The following PTPRJ variants were observed in gnomAD, a reference collection of about 807,000 sequenced individuals.
The protein encoded by PTPRJ is receptor-type tyrosine-protein phosphatase eta.
A neutral mutation model predicts 141.3 loss-of-function variants in PTPRJ; 129 were observed. That is an observed-to-expected ratio of 0.91 (90% CI 0.79 to 1.06). The LOEUF (loss-of-function observed/expected upper bound fraction) is 1.06. PTPRJ is among the 50% of genes least tolerant of loss of function. The probability of loss-of-function intolerance (pLI) is 0.00; values close to 1 mark genes in which losing one functional copy is unlikely to be tolerated. For missense variants in PTPRJ, 1,601 were observed against 1,679.7 expected (o/e 0.95, Z 0.82); for synonymous variants, 610 against 640.5 (o/e 0.95, Z 0.72).
At chr11:48,145,559 T>G (rs916813285) in intron 14 of PTPRJ, among the ~76,000 whole-genome samples, 2 of 4,606 alleles carry the variant, frequency 4.3e-4, no homozygotes, top group Admixed American at 0.011. Flanking sequence ...TTATTTTATG[T>G]TTTTTTTTTT....
In PTPRJ at chr11:48,163,702, G is replaced by C; in HGVS notation, c.3719+84G>C. 2.8e-6 allele frequency: 4 copies of C among 1,403,618 alleles called. 1 individual carries two copies. The South Asian group carries it at 5.0e-5, about 17-fold the overall frequency. The allele number at this position is 1,403,618 out of a possible 1,614,324, so 86.9% of individuals were successfully genotyped here. On this transcript the variant is annotated intron_variant, in intron 23 of 24. Coordinates refer to ENST00000418331, the MANE Select transcript of PTPRJ (RefSeq NM_002843.4). ...ACTTTACAAAAGCAAAGCCTAAGAG[G>C]GAATGTAATAGGCATTTATGAATTC...
chr11:48,164,841 C>T (rs1857880641), intron 24 of PTPRJ, among the ~76,000 whole-genome samples: 1 of 152,120 alleles, frequency 6.6e-6, no homozygotes, highest in Non-Finnish European at 1.5e-5. Flanking sequence ...GCTGGGATTA[C>T]AGGCATGAGC....
At chr11:48,000,077 TTGC>T (rs1199098907) in intron 1 of PTPRJ, among the ~76,000 whole-genome samples, 33 of 152,034 alleles carry the variant, frequency 2.2e-4, no homozygotes, top group Admixed American at 3.9e-4. Context: ...CAGGCTGGTC[TTGC>T]CCTCCTCACC....
At chr11:48,084,679 T>C (rs1176647035) in intron 1 of PTPRJ, among the ~76,000 whole-genome samples, 1 of 152,134 alleles carries the variant, frequency 6.6e-6, no homozygotes, top group East Asian at 1.9e-4. Context: ...TCATGTGAGC[T>C]CTGAAAGTCC....
chr11:48,012,314 T>G (rs955162336), intron 1 of PTPRJ, among the ~76,000 whole-genome samples: 1 of 152,256 alleles, frequency 6.6e-6, no homozygotes, highest in East Asian at 1.9e-4. Flanking sequence ...GTTTTCAAGG[T>G]TGGCATTTGG....
chr11:48,114,896 A>G (rs890120366), intron 3 of PTPRJ, among the ~76,000 whole-genome samples: 7 of 152,254 alleles, frequency 4.6e-5, no homozygotes, highest in Non-Finnish European at 7.3e-5. Flanking sequence ...GAAGCTAAAA[A>G]ATACTTTGAA....
At position 48,158,534 on chromosome 11, in the gene PTPRJ, G is replaced by C. The variant is rs1857669623; in HGVS notation, c.3439-1396G>C. The stretch of plus-strand genomic sequence containing the variant: ...TATACCTGGTAAGAGGCTGAGCTGG[G>C]AATCAACTCCATGTCAGTGTGTATC... On this transcript the variant is annotated intron_variant, in intron 21 of 24. Transcript: ENST00000418331. The surrounding 1 kb of genome is among the most constrained non-coding windows in gnomAD (Gnocchi z 4.4). Among the ~76,000 whole-genome samples, 1 of 152,172 alleles carries C rather than the reference G, an allele frequency of 6.6e-6. No homozygotes were observed. Among genetic ancestry groups the C allele is most frequent in the Admixed American group, 6.5e-5 (1 of 15,270 alleles).
chr11:48,153,495 A>G (rs1281332562), intron 18 of PTPRJ, among the ~76,000 whole-genome samples: 1 of 143,388 alleles, frequency 7.0e-6, no homozygotes. Context: ...TCTGTCTCAA[A>G]AAAAAAAAAA....
Position 48,136,237 on chromosome 11 carries a change from C to T in PTPRJ, c.1814C>T (p.Thr605Ile), listed in dbSNP as rs1214638801. 2 of 1,614,218 alleles carry T rather than the reference C, an allele frequency of 1.2e-6. No individual in the cohort carries two copies. The highest frequency in any genetic ancestry group is 1.7e-6 in the Non-Finnish European group (2 of 1,180,044). The change falls in exon 9 of 25, where the codon ACC (threonine) becomes ATC (isoleucine). Residue 605 changes from threonine to isoleucine, a missense_variant. Transcript: ENST00000418331. ...GLIPGTLYNITISPEVDHVWG... is the reference protein window; with the variant it reads ...GLIPGTLYNIIISPEVDHVWG... ...ATTCCGGGCACCTTATATAACATCA[C>T]CATCTCTCCAGAAGTGGACCACGTC...
chr11:48,108,238 G>C (rs1426930133), intron 1 of PTPRJ, among the ~76,000 whole-genome samples: 3 of 152,230 alleles, frequency 2.0e-5, no homozygotes, highest in Non-Finnish European at 4.4e-5. Context: ...CAGTGAAGAT[G>C]TAAGGATGAT....
intron 1 of PTPRJ, among the ~76,000 whole-genome samples, chr11:48,089,515 C>CAAAAAAA (rs56252336): frequency 8.6e-6 from 1 of 116,638 alleles, no homozygotes. Context: ...GACTCCATCT[C>CAAAAAAA]AAAAAAAAAA....
At chr11:48,143,789 C>T (rs1365987032) in intron 12 of PTPRJ, among the ~76,000 whole-genome samples, 11 of 121,438 alleles carry the variant, frequency 9.1e-5, no homozygotes, top group Non-Finnish European at 1.2e-4. Flanking sequence ...CCCTCCCCTC[C>T]TCCCCCTCCC....
intron 1 of PTPRJ, among the ~76,000 whole-genome samples, chr11:48,018,184 TC>T (rs1228952886): frequency 6.6e-6 from 1 of 151,966 alleles, no homozygotes; most frequent in African/African-American, 2.4e-5. Context: ...TTTTTTTTTT[TC>T]CTTAATTCTG....
At chr11:48,095,983 G>T (rs760604546) in intron 1 of PTPRJ, among the ~76,000 whole-genome samples, 5 of 152,194 alleles carry the variant, frequency 3.3e-5, no homozygotes, top group Non-Finnish European at 7.3e-5. Flanking sequence ...GACACTTCAG[G>T]AGAATTGGTG....
At chr11:48,014,143 T>C (rs1200925243) in intron 1 of PTPRJ, among the ~76,000 whole-genome samples, 1 of 152,174 alleles carries the variant, frequency 6.6e-6, no homozygotes, top group Non-Finnish European at 1.5e-5. Flanking sequence ...GGACTATCTC[T>C]CTATGGGGTA....
intron 1 of PTPRJ, among the ~76,000 whole-genome samples, chr11:48,076,928 C>T (rs925642163): frequency 3.9e-5 from 6 of 152,036 alleles, no homozygotes; most frequent in South Asian, 2.1e-4. Context: ...AGTGCAATGG[C>T]GCCATCTCAG....
chr11:48,136,424 C>A, intron 9 of PTPRJ, 128 bp downstream of exon 9: 2 of 1,176,474 alleles, frequency 1.7e-6, no homozygotes, highest in Non-Finnish European at 2.4e-6. Flanking sequence ...AAGTTGAAAA[C>A]ATTGGTCTCA....
At chr11:48,157,276 G>A (rs539458132) in intron 21 of PTPRJ, among the ~76,000 whole-genome samples, 7 of 152,156 alleles carry the variant, frequency 4.6e-5, no homozygotes, top group Non-Finnish European at 8.8e-5. Context: ...GTGAGCCACC[G>A]CCCCTGGCCA....
Position 48,139,512 on chromosome 11 carries a change from T to A in PTPRJ, c.2179T>A (p.Cys727Ser). The change falls in exon 11 of 25, where the codon TGC becomes AGC. Residue 727 changes from cysteine to serine, a missense_variant. Coordinates refer to ENST00000418331, the MANE Select transcript of PTPRJ (RefSeq NM_002843.4). ...TCCTGCGTCCATGGCCTCCTTCGAC[T>A]GCGAAGTGGTCCCCAAAGAGCCAGC... ...TDPASMASFDCEVVPKEPALV... is the reference protein window; with the variant it reads ...TDPASMASFDSEVVPKEPALV... The A allele has an allele frequency of 6.2e-7, 1 of 1,614,080 alleles. No homozygotes were observed.
Sources: allele counts gnomAD v4.1 joint callset (sites outside exome capture counted in the v4.1 genomes callset), GRCh38; gene constraint gnomAD v4.1.1; non-coding constraint Gnocchi (gnomAD v3.1); transcripts MANE v1.5; gene names NCBI Gene and HGNC (gene_info 2026-07-23, HGNC 2026-07-21).